Variants in POSTN observed in about 807,000 individuals in gnomAD.
POSTN encodes periostin.
In POSTN, 71 loss-of-function variants were observed where a neutral mutation model predicts 104.5. That is an observed-to-expected ratio of 0.68 (90% CI 0.56 to 0.83). The LOEUF (loss-of-function observed/expected upper bound fraction) is 0.83, where lower values mean the gene tolerates loss of function less well. Ranked by LOEUF, POSTN falls within the 40% of genes least tolerant of loss-of-function variation. POSTN has a pLI of 0.00. For synonymous variants in POSTN, 355 were observed against 340.7 expected (o/e 1.04, Z -0.46); for missense variants, 949 against 1,006.8 (o/e 0.94, Z 0.78).
At chr13:37,574,186 C>A (rs1250419905) in intron 17 of POSTN, among the ~76,000 whole-genome samples, 1 of 150,574 alleles carries the variant, frequency 6.6e-6, no homozygotes. Flanking sequence ...GGAAGAGCTT[C>A]TTGCACTGTT....
chr13:37,571,225 A>G (rs1566545189), intron 18 of POSTN, 144 bp downstream of exon 18: 1 of 584,756 alleles, frequency 1.7e-6, no homozygotes, highest in Non-Finnish European at 3.0e-6. Context: ...GCTAATAAGA[A>G]CTCATAGCTG....
intron 9 of POSTN, 47 bp from the exon 10 acceptor site, chr13:37,582,561 A>G (rs986898416): frequency 3.3e-6 from 5 of 1,509,854 alleles, no homozygotes; most frequent in African/African-American, 2.8e-5. Context: ...TTTAGAAAAC[A>G]TTGAAGTTTC....
chr13:37,569,332 T>G lies in POSTN; in HGVS notation c.2399A>C (p.Glu800Ala). The change falls in exon 21 of 23, where the codon GAA becomes GCA. Residue 800 changes from glutamate (E) to alanine (A), a missense_variant. By Grantham distance (107) the Glu-to-Ala change is moderately radical (BLOSUM62 -1). Transcript: ENST00000379747. ...AAGCAGTCTTTTAATTTCTTCATCT[T>G]CAAATAAATGACCATCACCACCTTC... ...FIEGGDGHLF[E>A]DEEIKRLLQG... is the part of the protein sequence containing the mutation. The G allele has an allele frequency of 6.2e-7, 1 of 1,612,856 alleles. No individual in the cohort carries two copies. The highest frequency in any genetic ancestry group is 8.5e-7 in the Non-Finnish European group (1 of 1,179,080).
At chr13:37,598,083 T>A (rs928241082) in intron 1 of POSTN, among the ~76,000 whole-genome samples, 3 of 152,174 alleles carry the variant, frequency 2.0e-5, no homozygotes, top group Admixed American at 2.0e-4. Context: ...ATAAATTACC[T>A]TTGCAAATTT....
chr13:37,574,163 A>G (rs1236590932), intron 17 of POSTN, among the ~76,000 whole-genome samples: 1 of 151,004 alleles, frequency 6.6e-6, no homozygotes, highest in African/African-American at 2.4e-5. Context: ...AAATGCCTAT[A>G]CTTTTTTTTT....
At chr13:37,597,719 T>G (rs751316816) in intron 1 of POSTN, among the ~76,000 whole-genome samples, 57 of 152,282 alleles carry the variant, frequency 3.7e-4, no homozygotes, top group South Asian at 1.0e-3. Context: ...CAAGGTTTAT[T>G]ATGTACACAG....
chr13:37,564,192 AT>A (rs1160053006), intron 22 of POSTN, among the ~76,000 whole-genome samples: 24,372 of 96,104 alleles, frequency 0.25, 3,815 homozygotes, highest in Non-Finnish European at 0.28. Context: ...ATATATATAT[AT>A]ATATATATAT....
intron 5 of POSTN, 21 bp downstream of exon 5, chr13:37,587,800 AC>A: frequency 1.3e-6 from 2 of 1,505,768 alleles, no homozygotes; most frequent in Non-Finnish European, 9.1e-7. Flanking sequence ...TCATAAGTGT[AC>A]TTTTTACTGA....
intron 5 of POSTN, 59 bp downstream of exon 5, chr13:37,587,763 T>C (rs2138336858): frequency 4.6e-6 from 6 of 1,293,810 alleles, no homozygotes; most frequent in Non-Finnish European, 6.5e-6. Context: ...ATATAAAAAG[T>C]ATAGACAAAA....
chr13:37,569,888 G>C, intron 19 of POSTN, 67 bp from the exon 20 acceptor site: 6 of 1,087,258 alleles, frequency 5.5e-6, no homozygotes, highest in East Asian at 2.4e-5. Context: ...AAGTGACAGA[G>C]AGTAAGTATT....
At chr13:37,563,398 G>A (rs747389072) in intron 22 of POSTN, 28 bp from the exon 23 acceptor site, 1 of 1,446,814 alleles carries the variant, frequency 6.9e-7, no homozygotes, top group Non-Finnish European at 9.4e-7. Flanking sequence ...AGAATGTATA[G>A]ACTGTAAATG....
intron 5 of POSTN, 118 bp downstream of exon 5, chr13:37,587,704 A>G: frequency 1.2e-6 from 1 of 817,338 alleles, no homozygotes; most frequent in Admixed American, 3.3e-5. Context: ...AAGTCATAAT[A>G]TAGCACTTAC....
chr13:37,581,154 G>A (rs370805278), intron 10 of POSTN, among the ~76,000 whole-genome samples: 1 of 152,066 alleles, frequency 6.6e-6, no homozygotes, highest in African/African-American at 2.4e-5. Context: ...CATATTCATA[G>A]CTTTTTGAAC....
intron 2 of POSTN, among the ~76,000 whole-genome samples, chr13:37,592,676 C>G (rs1950974777): frequency 6.6e-6 from 1 of 152,098 alleles, no homozygotes; most frequent in Non-Finnish European, 1.5e-5. Context: ...AATGTTGATC[C>G]AGAAGAACGA....
At chr13:37,579,178 A>G (rs952487564) in intron 13 of POSTN, 51 bp downstream of exon 13, 1 of 1,603,496 alleles carries the variant, frequency 6.2e-7, no homozygotes, top group Non-Finnish European at 8.5e-7. Context: ...GAATATTTAG[A>G]TAACTTAATG....
chr13:37,597,084 A>C, intron 2 of POSTN, 100 bp downstream of exon 2: 1 of 700,510 alleles, frequency 1.4e-6, no homozygotes, highest in East Asian at 3.1e-5. Flanking sequence ...AATTTTGGTC[A>C]GTATTTTCAA....
chr13:37,578,733 A>C, intron 15 of POSTN, 111 bp downstream of exon 15: 1 of 894,316 alleles, frequency 1.1e-6, no homozygotes, highest in South Asian at 2.1e-5. Context: ...TGGGAGGCGG[A>C]GCTTGCAGTG....
intron 21 of POSTN, 30 bp from the exon 22 acceptor site, chr13:37,564,590 C>T: frequency 6.9e-7 from 1 of 1,457,690 alleles, no homozygotes; most frequent in Non-Finnish European, 9.6e-7. Context: ...GTTAGAAATA[C>T]TTCGCAATTA....
intron 17 of POSTN, among the ~76,000 whole-genome samples, chr13:37,572,685 A>G (rs2138197605): frequency 6.6e-6 from 1 of 151,698 alleles, no homozygotes; most frequent in Non-Finnish European, 1.5e-5. Context: ...CTCAATAACT[A>G]TTTGTTGAAT....
Sources: gnomAD v4.1 joint callset for allele counts (sites outside exome capture counted in the v4.1 genomes callset) on GRCh38, gnomAD v4.1.1 for gene constraint, MANE v1.5 for transcripts, NCBI Gene and HGNC (gene_info 2026-07-23, HGNC 2026-07-21) for gene names.